The following ABLIM2 variants were observed in gnomAD, a reference collection of about 807,000 sequenced individuals.
ABLIM2 encodes actin binding LIM protein family member 2.
ABLIM2 carries 53 observed loss-of-function variants against 97.7 expected under a neutral mutation model. The observed-to-expected ratio is 0.54, with a 90% CI of 0.44 to 0.68. The LOEUF is 0.68. Among genes scored for constraint, ABLIM2 ranks in the 30% least tolerant of loss-of-function variants. The pLI is 0.00. For missense variants in ABLIM2, 835 were observed against 867.2 expected (o/e 0.96, Z 0.47); for synonymous variants, 361 against 345.8 (o/e 1.04, Z -0.49).
In ABLIM2 at chr4:7,985,293, G is replaced by A. The variant is rs570787949; in HGVS notation, c.1681-400C>T. ...CACGCTGCGCTAGGCACAGCGCTCT[G>A]CGGTTCCCCGTTGGTGATCTGTCCC... On this transcript the variant is annotated intron_variant, in intron 17 of 20. Transcript: ENST00000447017. 2.6e-5 allele frequency among the ~76,000 whole-genome samples: 4 copies of A among 152,302 alleles called. No homozygotes were observed. The South Asian group carries it at 8.3e-4, about 32-fold the overall frequency.
intron 1 of ABLIM2, among the ~76,000 whole-genome samples, chr4:8,117,666 C>A (rs567340242): frequency 6.6e-6 from 1 of 152,192 alleles, no homozygotes; most frequent in Non-Finnish European, 1.5e-5. Flanking sequence ...AAGACTGCTT[C>A]TTCTCCCATA....
At chr4:8,090,203 T>C (rs1826397064) in intron 3 of ABLIM2, among the ~76,000 whole-genome samples, 1 of 152,192 alleles carries the variant, frequency 6.6e-6, no homozygotes, top group South Asian at 2.1e-4. Context: ...TGCTGCCACC[T>C]GGGTCTCCGT....
chr4:8,088,261 C>T lies in ABLIM2; in HGVS notation c.362G>A (p.Arg121Gln), dbSNP rs773037447. The change falls in exon 4 of 21, where the codon CGA becomes CAA. Residue 121 changes from arginine to glutamine, a missense_variant. By Grantham distance (43) the Arg-to-Gln change is conservative (BLOSUM62 1). Coordinates refer to ENST00000447017, the MANE Select transcript of ABLIM2 (RefSeq NM_001130083.2). ...GCATTCCTTCCCGTTGAAGGTCACT[C>T]GGTCCCCGGGGGGGAAGGGCAGCCT... is the stretch of plus-strand genomic sequence containing the variant. ...VCRLPFPPGDRVTFNGKECMC... is the reference protein window; with the variant it reads ...VCRLPFPPGDQVTFNGKECMC... 4.3e-5 allele frequency: 70 copies of T among 1,612,794 alleles called. No homozygotes were observed. The South Asian group carries it at 5.4e-4, about 12-fold the overall frequency.
In ABLIM2 at chr4:8,045,518, G is replaced by A. The variant is rs185513251; in HGVS notation, c.823-277C>T. Among the ~76,000 whole-genome samples, 319 of 152,190 alleles carry A rather than the reference G, an allele frequency of 2.1e-3. 1 individual carries two copies. Among genetic ancestry groups the A allele is most frequent in the South Asian group, 8.7e-3 (42 of 4,810 alleles). Reference sequence around the variant, plus strand: ...ACAAAAATTAGCCGGGTGTGGTGGCGGGCACCTGTAATCCCAGCTACTCAG... The same window carrying A: ...ACAAAAATTAGCCGGGTGTGGTGGCAGGCACCTGTAATCCCAGCTACTCAG... On this transcript the variant is annotated intron_variant, in intron 8 of 20. Transcript: ENST00000447017.
rs533475836 is a variant in ABLIM2, at chr4:7,970,873, C to T, written c.1825-3770G>A. ...AGCATGTGGGCTGGGCCAGGCCACT[C>T]GTATGTGGCCTACAGGGCCCAGGAC... On this transcript the variant is annotated intron_variant, in intron 20 of 20. Transcript: ENST00000447017. This position sits in a 1 kb window ranked among gnomAD's most constrained non-coding sequence, Gnocchi z 5.3. Among the ~76,000 whole-genome samples the T allele has an allele frequency of 6.6e-6, 1 of 151,966 alleles. No homozygotes were observed. The highest frequency in any genetic ancestry group is 2.1e-4 in the South Asian group (1 of 4,798).
intron 16 of ABLIM2, among the ~76,000 whole-genome samples, chr4:8,006,213 A>G (rs1323430366): frequency 1.3e-5 from 2 of 152,204 alleles, no homozygotes; most frequent in Non-Finnish European, 2.9e-5. Context: ...GGTCACAGAG[A>G]GTATCAGGGG....
chr4:7,994,859 A>G (rs1752135057), intron 16 of ABLIM2, among the ~76,000 whole-genome samples: 1 of 117,678 alleles, frequency 8.5e-6, no homozygotes, highest in African/African-American at 2.7e-5. Context: ...TCTGCACAGC[A>G]AAAGAAACTA....
chr4:8,121,013 A>C (rs1476378332), intron 1 of ABLIM2, among the ~76,000 whole-genome samples: 2 of 152,204 alleles, frequency 1.3e-5, no homozygotes, highest in Non-Finnish European at 2.9e-5. Context: ...AAATCAAAAA[A>C]CGATAGTCCA....
At position 8,004,768 on chromosome 4, in the gene ABLIM2, G is replaced by A. The variant is rs1055752104; in HGVS notation, c.1618+3291C>T. ...CTCCCTTCCTGTGCAGAAATCAGGT[G>A]CACTGATAATATAAACTACTCTGCA... is the stretch of plus-strand genomic sequence containing the variant. On this transcript the variant is annotated intron_variant, in intron 16 of 20. Transcript: ENST00000447017. The surrounding 1 kb of genome is among the most constrained non-coding windows in gnomAD (Gnocchi z 5.9). 1.3e-5 allele frequency among the ~76,000 whole-genome samples: 2 copies of A among 152,194 alleles called. No homozygotes were observed. The highest frequency in any genetic ancestry group is 4.8e-5 in the African/African-American group (2 of 41,432).
intron 3 of ABLIM2, among the ~76,000 whole-genome samples, chr4:8,093,391 G>T (rs1307213286): frequency 6.6e-6 from 1 of 152,144 alleles, no homozygotes; most frequent in Non-Finnish European, 1.5e-5. Flanking sequence ...GGTGCAGATT[G>T]GCTGGCAACA....
At chr4:8,034,502 TA>T (rs1783002286) in intron 10 of ABLIM2, among the ~76,000 whole-genome samples, 2 of 35,458 alleles carry the variant, frequency 5.6e-5, no homozygotes, top group African/African-American at 1.3e-4. Flanking sequence ...GGGTGGGTGG[TA>T]GGTAGGTGGG....
chr4:7,995,551 GAGA>G (rs1201353317), intron 16 of ABLIM2, among the ~76,000 whole-genome samples: 3 of 152,222 alleles, frequency 2.0e-5, no homozygotes, highest in Non-Finnish European at 4.4e-5. Context: ...AATGAGGACA[GAGA>G]AGAAATTCCA....
At chr4:8,105,459 C>T (rs1288497716) in intron 2 of ABLIM2, among the ~76,000 whole-genome samples, 10 of 152,208 alleles carry the variant, frequency 6.6e-5, no homozygotes, top group South Asian at 4.1e-4. Context: ...CTTTGTGGAG[C>T]GGATGAATGC....
Position 8,044,657 on chromosome 4 carries a change from CACACACACAG to C in ABLIM2, c.900+497_900+506del, listed in dbSNP as rs1417213749. 8.3e-6 allele frequency among the ~76,000 whole-genome samples: 1 copy of C among 119,918 alleles called. No individual in the cohort carries two copies. Among genetic ancestry groups the C allele is most frequent in the Non-Finnish European group, 1.9e-5 (1 of 51,722 alleles). 78.7% of individuals were successfully genotyped at this position (119,918 alleles called of 152,430 possible). A position where few individuals can be genotyped will look rare whatever the true frequency, so the allele number is the denominator to read the frequency against. ...AGGCGCACAGACACACACACACACA[CACACACACAG>C]AGTCTCTCTCTCTCTCTCTCTCTCG... On this transcript the variant is annotated intron_variant, in intron 9 of 20. Transcript: ENST00000447017. The surrounding 1 kb of genome is among the most constrained non-coding windows in gnomAD (Gnocchi z 4.4).
chr4:8,025,203 C>G (rs183419246), intron 12 of ABLIM2, among the ~76,000 whole-genome samples: 1 of 152,328 alleles, frequency 6.6e-6, no homozygotes, highest in South Asian at 2.1e-4. Flanking sequence ...GCTGGGATTA[C>G]AGGGGTGAGC....
Position 8,020,240 on chromosome 4 carries a change from G to A in ABLIM2, c.1331C>T (p.Ser444Phe), listed in dbSNP as rs776612733. ...GTGGCGAGGTGCCTGCTGGTAGGTGGAGGGGGGCGGCTTGCTGTCAGAGAG... is the reference window on the plus strand; with the variant it reads ...GTGGCGAGGTGCCTGCTGGTAGGTGAAGGGGGGCGGCTTGCTGTCAGAGAG... ...SVLSDSKPPP[S>F]TYQQAPRHFH... The change falls in exon 13 of 21, where the codon TCC becomes TTC. Residue 444 changes from serine to phenylalanine, a missense_variant. Transcript: ENST00000447017. The A allele has an allele frequency of 6.2e-7, 1 of 1,613,934 alleles. No individual in the cohort carries two copies. The highest frequency in any genetic ancestry group is 8.5e-7 in the Non-Finnish European group (1 of 1,179,868).
At chr4:8,008,319 A>G in intron 15 of ABLIM2, 119 bp from the exon 16 acceptor site, 3 of 946,756 alleles carry the variant, frequency 3.2e-6, no homozygotes, top group Admixed American at 5.3e-5. Context: ...CCACTGTGAG[A>G]AAACTCAATA....
intron 16 of ABLIM2, among the ~76,000 whole-genome samples, chr4:7,997,809 G>T (rs1209479450): frequency 6.6e-6 from 1 of 151,968 alleles, no homozygotes; most frequent in Non-Finnish European, 1.5e-5. Context: ...AGTGATAAAT[G>T]CCTTAAAATC....
chr4:8,150,866 C>T lies in ABLIM2; in HGVS notation c.10+7814G>A, dbSNP rs1338868520. Among the ~76,000 whole-genome samples, 2 of 152,116 alleles carry T rather than the reference C, an allele frequency of 1.3e-5. No individual in the cohort carries two copies. Among genetic ancestry groups the T allele is most frequent in the Non-Finnish European group, 2.9e-5 (2 of 68,018 alleles). ...AGAGAAGGGGAGGGGAAGCTATGAA[C>T]CCAGCCTAGGGTGTGGCTGATGATG... is the stretch of plus-strand genomic sequence containing the variant. On this transcript the variant is annotated intron_variant, in intron 1 of 20. Transcript: ENST00000447017. This position sits in a 1 kb window ranked among gnomAD's most constrained non-coding sequence, Gnocchi z 6.3.
Sources: gnomAD v4.1 joint callset for allele counts (sites outside exome capture counted in the v4.1 genomes callset) on GRCh38, gnomAD v4.1.1 for gene constraint, Gnocchi (gnomAD v3.1) non-coding constraint, MANE v1.5 for transcripts, NCBI Gene and HGNC (gene_info 2026-07-23, HGNC 2026-07-21) for gene names.